The following PITPNM3 variants were observed in gnomAD, a reference collection of about 807,000 sequenced individuals.
The protein encoded by PITPNM3 is membrane-associated phosphatidylinositol transfer protein 3.
Under a neutral mutation model 102.0 loss-of-function variants are expected in PITPNM3, and 26 were observed. That is an observed-to-expected ratio of 0.25 (90% CI 0.19 to 0.35). PITPNM3 has a LOEUF of 0.35. Ranked by LOEUF, PITPNM3 falls within the 10% of genes least tolerant of loss-of-function variation. The pLI is 1.00. For missense variants in PITPNM3, 1,083 were observed against 1,346.1 expected (o/e 0.80, Z 3.06); for synonymous variants, 578 against 558.6 (o/e 1.03, Z -0.49).
chr17:6,480,152 C>G (rs1319788183), intron 6 of PITPNM3: 1 of 152,204 alleles, frequency 6.6e-6, no homozygotes, highest in Non-Finnish European at 1.5e-5. Flanking sequence ...TGGAGGGAGG[C>G]CTGGACATCT....
intron 3 of PITPNM3, among the ~76,000 whole-genome samples, chr17:6,512,677 T>C (rs1412555116): frequency 4.3e-4 from 66 of 152,114 alleles, no homozygotes; most frequent in Non-Finnish European, 4.4e-5. Context: ...TACAAGGTCA[T>C]AAACCAGAGT....
At chr17:6,544,880 C>T (rs530429779) in intron 1 of PITPNM3, among the ~76,000 whole-genome samples, 140 of 151,146 alleles carry the variant, frequency 9.3e-4, no homozygotes, top group African/African-American at 3.1e-3. Flanking sequence ...CACACACACA[C>T]GCACACATGC....
rs117452401 is a variant in PITPNM3, at chr17:6,494,162, G to A, written c.274+9365C>T. Among the ~76,000 whole-genome samples, 821 of 152,292 alleles carry A rather than the reference G, an allele frequency of 5.4e-3. 10 individuals are homozygous for A. The highest frequency in any genetic ancestry group is 6.8e-3 in the Middle Eastern group (2 of 294). Reference sequence around the variant, plus strand: ...TTAAAGATGAGAAAACCAAGGATTGGAAAGGTAAAGTGATTTCTCTCAAGA... The same window carrying A: ...TTAAAGATGAGAAAACCAAGGATTGAAAAGGTAAAGTGATTTCTCTCAAGA... On this transcript the variant is annotated intron_variant, in intron 4 of 19. Coordinates refer to ENST00000262483, the MANE Select transcript of PITPNM3 (RefSeq NM_031220.4).
At position 6,452,591 on chromosome 17, in the gene PITPNM3, G is replaced by C. The variant is rs968525496; in HGVS notation, c.*2747C>G. On this transcript the variant is annotated 3_prime_UTR_variant, in exon 20 of 20. Transcript: ENST00000262483. ...CCAACTTAACCGGACAGACAAAACT[G>C]AGCAAACCGCTAGTGTAGAAAGAGC... 1 of 152,210 alleles carries C rather than the reference G, an allele frequency of 6.6e-6. No individual in the cohort carries two copies. The highest frequency in any genetic ancestry group is 2.4e-5 in the African/African-American group (1 of 41,442). The allele number at this position is 152,210 out of a possible 1,614,324, so 9.4% of individuals were successfully genotyped here.
intron 1 of PITPNM3, among the ~76,000 whole-genome samples, chr17:6,553,384 G>A (rs924756382): frequency 7.2e-5 from 11 of 152,142 alleles, no homozygotes; most frequent in Admixed American, 2.0e-4. Context: ...TCTGGGCCCC[G>A]ATAACAATTT....
rs1287667165 is a variant in PITPNM3, at chr17:6,521,919, T to C, written c.226+3437A>G. Among the ~76,000 whole-genome samples, 6 of 152,306 alleles carry C rather than the reference T, an allele frequency of 3.9e-5. No homozygotes were observed. The East Asian group carries it at 1.2e-3, about 29-fold the overall frequency. ...CAGGGACACTTGAAGGGCCATTCCA[T>C]CCTTACAGGAACTTACAAAAAGAAC... On this transcript the variant is annotated intron_variant, in intron 3 of 19. Coordinates refer to ENST00000262483, the MANE Select transcript of PITPNM3 (RefSeq NM_031220.4).
chr17:6,534,986 C>T (rs765093468), intron 2 of PITPNM3, among the ~76,000 whole-genome samples: 4 of 152,246 alleles, frequency 2.6e-5, no homozygotes, highest in Non-Finnish European at 4.4e-5. Context: ...GACCTCCACA[C>T]GTGCAGGAAC....
chr17:6,544,665 C>T (rs1048216388), intron 1 of PITPNM3, among the ~76,000 whole-genome samples: 15 of 151,800 alleles, frequency 9.9e-5, no homozygotes, highest in Non-Finnish European at 1.9e-4. Context: ...CACACACACA[C>T]ACACACACAC....
intron 4 of PITPNM3, among the ~76,000 whole-genome samples, chr17:6,488,744 CAA>C (rs1346734754): frequency 6.6e-6 from 1 of 152,176 alleles, no homozygotes; most frequent in Non-Finnish European, 1.5e-5. Flanking sequence ...ACTCTGGTGA[CAA>C]GAGCAGCTGG....
rs370682345 is a variant in PITPNM3 at position 6,482,024 on chromosome 17, C to G, written c.587+1493G>C. Among the ~76,000 whole-genome samples the G allele has an allele frequency of 2.9e-3, 296 of 100,898 alleles. 4 individuals carry two copies. Among genetic ancestry groups the G allele is most frequent in the Non-Finnish European group, 4.4e-3 (232 of 52,454 alleles). 66.2% of individuals were successfully genotyped at this position (100,898 alleles called of 152,430 possible). A position where few individuals can be genotyped will look rare whatever the true frequency, so the allele number is the denominator to read the frequency against. Reference sequence around the variant, plus strand: ...TCTCTCTCTCTCTCTCTCTCTCTCTCTCTCTCTCTCTGTCTGTCTCTCTCT... The same window carrying G: ...TCTCTCTCTCTCTCTCTCTCTCTCTGTCTCTCTCTCTGTCTGTCTCTCTCT... On this transcript the variant is annotated intron_variant, in intron 6 of 19. Transcript: ENST00000262483.
At chr17:6,545,864 C>T (rs1285647441) in intron 1 of PITPNM3, among the ~76,000 whole-genome samples, 1 of 152,212 alleles carries the variant, frequency 6.6e-6, no homozygotes, top group Non-Finnish European at 1.5e-5. Flanking sequence ...CCTGAGCAGA[C>T]ACCTGGTAGG....
In PITPNM3 at chr17:6,459,126, C is replaced by T. The variant is rs1904334885; in HGVS notation, c.2491-1404G>A. ...CACTCCTATAACTTGGATCCTCCAG[C>T]TCTGGCGACCCTGCCTACCTGCCTC... On this transcript the variant is annotated intron_variant, in intron 18 of 19. Transcript: ENST00000262483. The surrounding 1 kb of genome is among the most constrained non-coding windows in gnomAD (Gnocchi z 5.0). Among the ~76,000 whole-genome samples the T allele has an allele frequency of 6.6e-6, 1 of 152,176 alleles. No individual in the cohort carries two copies. The highest frequency in any genetic ancestry group is 1.5e-5 in the Non-Finnish European group (1 of 68,034).
intron 2 of PITPNM3, among the ~76,000 whole-genome samples, chr17:6,535,237 C>G (rs1909347516): frequency 6.6e-6 from 1 of 152,030 alleles, no homozygotes; most frequent in African/African-American, 2.4e-5. Flanking sequence ...GGCTGGAGAG[C>G]AGAGGGCAGG....
At chr17:6,528,546 T>C (rs1414203263) in intron 2 of PITPNM3, among the ~76,000 whole-genome samples, 2 of 152,120 alleles carry the variant, frequency 1.3e-5, no homozygotes, top group Non-Finnish European at 2.9e-5. Context: ...CAAGTGAGTG[T>C]GTACATGCAT....
At chr17:6,482,474 A>G (rs1438077601) in intron 6 of PITPNM3, among the ~76,000 whole-genome samples, 1 of 152,136 alleles carries the variant, frequency 6.6e-6, no homozygotes, top group Admixed American at 6.5e-5. Flanking sequence ...AACCTTTATA[A>G]TAAACCAGTA....
intron 2 of PITPNM3, among the ~76,000 whole-genome samples, chr17:6,525,991 A>G (rs1908813185): frequency 6.6e-6 from 1 of 152,224 alleles, no homozygotes; most frequent in Admixed American, 6.5e-5. Context: ...ACTCACCACC[A>G]GGAGTTGAGT....
chr17:6,460,303 A>G (rs1392789071), intron 18 of PITPNM3, among the ~76,000 whole-genome samples: 3 of 152,204 alleles, frequency 2.0e-5, no homozygotes, highest in Non-Finnish European at 4.4e-5. Flanking sequence ...TCAGCTCAAA[A>G]GTTACCACCT....
intron 1 of PITPNM3, among the ~76,000 whole-genome samples, chr17:6,546,518 T>C (rs763899989): frequency 6.6e-6 from 1 of 152,192 alleles, no homozygotes; most frequent in Non-Finnish European, 1.5e-5. Flanking sequence ...TAGACCGAGT[T>C]ACAACCATGG....
intron 3 of PITPNM3, among the ~76,000 whole-genome samples, chr17:6,523,171 T>C (rs875632): frequency 0.69 from 104,833 of 151,988 alleles, 36,389 homozygotes; most frequent in African/African-American, 0.74. Flanking sequence ...TTCATGAGCA[T>C]CAGGAAGCAT....
Sources: allele counts gnomAD v4.1 joint callset (sites outside exome capture counted in the v4.1 genomes callset), GRCh38; gene constraint gnomAD v4.1.1; non-coding constraint Gnocchi (gnomAD v3.1); transcripts MANE v1.5; gene names NCBI Gene and HGNC (gene_info 2026-07-23, HGNC 2026-07-21).